The following CA10 variants were observed in gnomAD, a reference collection of about 807,000 sequenced individuals.
CA10 encodes carbonic anhydrase 10 (inactive), also known as carbonic anhydrase-related protein 10.
A neutral mutation model predicts 44.2 loss-of-function variants in CA10; 14 were observed. That is an observed-to-expected ratio of 0.32 (90% CI 0.21 to 0.50). The LOEUF is 0.50. CA10 is among the 20% of genes least tolerant of loss of function. CA10 has a pLI of 0.99. For synonymous variants in CA10, 159 were observed against 141.6 expected (o/e 1.12, Z -0.87); for missense variants, 350 against 409.7 (o/e 0.85, Z 1.26).
At chr17:51,881,856 A>G (rs915537779) in intron 3 of CA10, among the ~76,000 whole-genome samples, 1 of 152,226 alleles carries the variant, frequency 6.6e-6, no homozygotes, top group Admixed American at 6.5e-5. Context: ...ACAAATAGGC[A>G]GAACCCATCT....
chr17:51,665,574 AGGTGATTT>A (rs1198065518), intron 4 of CA10, among the ~76,000 whole-genome samples: 3 of 152,244 alleles, frequency 2.0e-5, no homozygotes, highest in Non-Finnish European at 4.4e-5. Context: ...ATGTGTTATT[AGGTGATTT>A]TGTCATTGTG....
chr17:51,648,537 C>T (rs1008482235), intron 6 of CA10, among the ~76,000 whole-genome samples: 3 of 152,078 alleles, frequency 2.0e-5, no homozygotes, highest in African/African-American at 7.2e-5. Context: ...GCTGTCTCAC[C>T]CAACTTTTCC....
chr17:51,994,429 CA>C (rs1985155767), intron 2 of CA10, among the ~76,000 whole-genome samples: 1 of 151,992 alleles, frequency 6.6e-6, no homozygotes, highest in South Asian at 2.1e-4. Flanking sequence ...TTAATTTTTT[CA>C]ACTCTAATAT....
intron 3 of CA10, among the ~76,000 whole-genome samples, chr17:51,816,583 AGT>A (rs1338090914): frequency 1.3e-5 from 2 of 152,216 alleles, no homozygotes; most frequent in Non-Finnish European, 2.9e-5. Flanking sequence ...CAACTATTGT[AGT>A]GTTATTGGTA....
chr17:51,662,269 C>T (rs1310628604), intron 4 of CA10, among the ~76,000 whole-genome samples: 1 of 152,132 alleles, frequency 6.6e-6, no homozygotes, highest in Non-Finnish European at 1.5e-5. Flanking sequence ...GTCCCAAATG[C>T]CCACCCTATG....
chr17:51,819,758 A>T (rs1377146453), intron 3 of CA10, among the ~76,000 whole-genome samples: 1 of 152,194 alleles, frequency 6.6e-6, no homozygotes, highest in Non-Finnish European at 1.5e-5. Flanking sequence ...TAGAACACGG[A>T]GGGGCTTCCA....
intron 3 of CA10, among the ~76,000 whole-genome samples, chr17:51,774,150 G>A (rs1567835103): frequency 6.6e-6 from 1 of 152,134 alleles, no homozygotes; most frequent in Non-Finnish European, 1.5e-5. Context: ...TAATCACGTT[G>A]TCATGCCTGT....
chr17:52,044,899 G>A (rs1986869380), intron 2 of CA10, among the ~76,000 whole-genome samples: 1 of 151,028 alleles, frequency 6.6e-6, no homozygotes, highest in Non-Finnish European at 1.5e-5. Flanking sequence ...AGTGGGTGAT[G>A]GTAACAACTG....
chr17:51,721,051 T>C (rs1256638726), intron 4 of CA10, among the ~76,000 whole-genome samples: 1 of 152,136 alleles, frequency 6.6e-6, no homozygotes, highest in Non-Finnish European at 1.5e-5. Context: ...TTTATTAGGC[T>C]GGGCGTGGTG....
In CA10 at chr17:51,942,538, T is replaced by TTATATA. The variant is rs10549926; in HGVS notation, c.137-11412_137-11407dup. ...AGCCAGGAAGGAAATCTTGCAGGCA[T>TTATATA]TATATATATATATATATCTGTCATC... On this transcript the variant is annotated intron_variant, in intron 2 of 8. Transcript: ENST00000451037. 5.2e-5 allele frequency among the ~76,000 whole-genome samples: 7 copies of TTATATA among 135,142 alleles called. 2 individuals carry two copies. Among genetic ancestry groups the TTATATA allele is most frequent in the Non-Finnish European group, 9.9e-5 (6 of 60,414 alleles). The allele number at this position is 135,142 out of a possible 152,430, so 88.7% of individuals were successfully genotyped here.
rs1316067478 is a variant in CA10, at chr17:51,668,057, GT to G, written c.466-14322del. 3.9e-5 allele frequency among the ~76,000 whole-genome samples: 6 copies of G among 152,310 alleles called. No individual in the cohort carries two copies. The East Asian group carries it at 1.2e-3, about 29-fold the overall frequency. ...CCCAGGCCCAACCATTCAGCAAAGGGTCTACCCCCAAATACCATGGCTCCCT... is the reference window on the plus strand; with the variant it reads ...CCCAGGCCCAACCATTCAGCAAAGGGCTACCCCCAAATACCATGGCTCCCT... On this transcript the variant is annotated intron_variant, in intron 4 of 8. Transcript: ENST00000451037.
At chr17:51,910,602 T>C (rs997968910) in intron 3 of CA10, among the ~76,000 whole-genome samples, 2 of 152,302 alleles carry the variant, frequency 1.3e-5, no homozygotes, top group Admixed American at 1.3e-4. Flanking sequence ...TCTAACTTTA[T>C]TACAAGTGAA....
At chr17:51,660,986 T>C (rs995459307) in intron 4 of CA10, among the ~76,000 whole-genome samples, 6 of 152,012 alleles carry the variant, frequency 3.9e-5, no homozygotes, top group African/African-American at 1.4e-4. Flanking sequence ...GACTCCTACT[T>C]ATGAACTCCT....
At chr17:52,030,419 GC>G (rs1394437977) in intron 2 of CA10, among the ~76,000 whole-genome samples, 1 of 152,132 alleles carries the variant, frequency 6.6e-6, no homozygotes, top group Non-Finnish European at 1.5e-5. Flanking sequence ...GGATGTTCAG[GC>G]TGACAAAGGA....
At chr17:52,055,346 GAAAAA>G (rs10719126) in intron 2 of CA10, among the ~76,000 whole-genome samples, 1 of 122,810 alleles carries the variant, frequency 8.1e-6, no homozygotes, top group African/African-American at 2.9e-5. Flanking sequence ...TCCTTCTGGT[GAAAAA>G]AAAAAAAAAA....
intron 5 of CA10, among the ~76,000 whole-genome samples, chr17:51,651,814 A>C (rs901887771): frequency 6.6e-6 from 1 of 152,214 alleles, no homozygotes; most frequent in Non-Finnish European, 1.5e-5. Context: ...AAGGACAGGA[A>C]TTGCTGGGGC....
chr17:52,062,210 G>A (rs1029420812), intron 2 of CA10, among the ~76,000 whole-genome samples: 4 of 151,764 alleles, frequency 2.6e-5, no homozygotes, highest in Non-Finnish European at 5.9e-5. Flanking sequence ...TGGGATTACA[G>A]GCACCCACCA....
At chr17:51,836,578 C>T (rs1415293849) in intron 3 of CA10, among the ~76,000 whole-genome samples, 1 of 152,210 alleles carries the variant, frequency 6.6e-6, no homozygotes, top group African/African-American at 2.4e-5. Flanking sequence ...AGCCCCCACC[C>T]TTCCCCACCA....
intron 4 of CA10, among the ~76,000 whole-genome samples, chr17:51,676,981 G>A (rs528416074): frequency 1.3e-5 from 2 of 152,258 alleles, no homozygotes; most frequent in Admixed American, 6.5e-5. Context: ...GAGCAGCCTC[G>A]ATTTGATATC....
Sources: allele counts gnomAD v4.1 joint callset (sites outside exome capture counted in the v4.1 genomes callset), GRCh38; gene constraint gnomAD v4.1.1; transcripts MANE v1.5; gene names NCBI Gene and HGNC (gene_info 2026-07-23, HGNC 2026-07-21).